Variants in MROH2B observed in about 807,000 individuals in gnomAD.
MROH2B encodes maestro heat like repeat family member 2B, also known as maestro heat-like repeat-containing protein family member 2B.
MROH2B carries 177 observed loss-of-function variants against 208.6 expected under a neutral mutation model. The observed-to-expected ratio is 0.85, with a 90% CI of 0.75 to 0.96. MROH2B has a LOEUF of 0.96. MROH2B is among the 40% of genes least tolerant of loss of function. MROH2B has a pLI of 0.00. For synonymous variants in MROH2B, 728 were observed against 659.0 expected, an observed-to-expected ratio of 1.10 and a Z score of -1.60; for missense variants, 2,002 against 1,878.7, an observed-to-expected ratio of 1.07 and a Z score of -1.21.
In MROH2B at chr5:41,070,968, C is replaced by G. The variant is rs576908835; in HGVS notation, c.-116G>C. 9.6e-7 allele frequency: 1 copy of G among 1,042,406 alleles called. No homozygotes were observed. Among genetic ancestry groups the G allele is most frequent in the South Asian group, 1.4e-5 (1 of 69,372 alleles). The allele number at this position is 1,042,406 out of a possible 1,614,324, so 64.6% of individuals were successfully genotyped here. A position where few individuals can be genotyped will look rare whatever the true frequency, so the allele number is the denominator to read the frequency against. On this transcript the variant is annotated 5_prime_UTR_variant, in exon 1 of 42. Coordinates refer to ENST00000399564, the MANE Select transcript of MROH2B (RefSeq NM_173489.5). ...TCATATAAGGTTCACATAAGCCTCT[C>G]TAAATGAAAGTGCCTCCTCCACTTG...
chr5:41,013,787 G>T (rs1257491986), intron 29 of MROH2B, among the ~76,000 whole-genome samples: 1 of 152,112 alleles, frequency 6.6e-6, no homozygotes, highest in Non-Finnish European at 1.5e-5. Flanking sequence ...TATGTGTCGG[G>T]CACCTTTTAA....
In MROH2B at chr5:41,049,427, G is replaced by T. The variant is rs1579948780; in HGVS notation, c.1354C>A (p.Pro452Thr). 1 of 1,611,662 alleles carries T rather than the reference G, an allele frequency of 6.2e-7. No individual in the cohort carries two copies. The highest frequency in any genetic ancestry group is 8.5e-7 in the Non-Finnish European group (1 of 1,179,160). ...LVIGMPQVLW[P>T]RILTFVVPAE... The stretch of plus-strand genomic sequence containing the variant: ...GGTACCACAAAAGTCAGGATCCTTG[G>T]CCATAGCACCTGTGGAAAACAGGGC... The change falls in exon 14 of 42, where the codon CCA (proline) becomes ACA (threonine). Residue 452 changes from proline (P) to threonine (T), a missense_variant. Physicochemically the swap from Pro to Thr is conservative, Grantham distance 38. Coordinates refer to ENST00000399564, the MANE Select transcript of MROH2B (RefSeq NM_173489.5).
At position 41,070,957 on chromosome 5, in the gene MROH2B, C is replaced by A. The variant is rs1278646336; in HGVS notation, c.-105G>T. 8.8e-6 allele frequency: 10 copies of A among 1,134,712 alleles called. No homozygotes were observed. Among genetic ancestry groups the A allele is most frequent in the Non-Finnish European group, 1.3e-5 (10 of 774,404 alleles). 70.3% of individuals were successfully genotyped at this position (1,134,712 alleles called of 1,614,324 possible). A position where few individuals can be genotyped will look rare whatever the true frequency, so the allele number is the denominator to read the frequency against. On this transcript the variant is annotated 5_prime_UTR_variant, in exon 1 of 42. An upstream start codon of the reference 5' UTR is lost. Coordinates refer to ENST00000399564, the MANE Select transcript of MROH2B (RefSeq NM_173489.5). ...TGGCAAGTTTCTCATATAAGGTTCA[C>A]ATAAGCCTCTCTAAATGAAAGTGCC... is the stretch of plus-strand genomic sequence containing the variant.
Position 41,062,025 on chromosome 5 carries a change from C to T in MROH2B, c.461-301G>A, listed in dbSNP as rs79959411. Among the ~76,000 whole-genome samples, 888 of 149,770 alleles carry T rather than the reference C, an allele frequency of 5.9e-3. 36 individuals are homozygous for T. The highest frequency in any genetic ancestry group is 0.022 in the African/African-American group (849 of 39,154). ...TGGTAGAAGGGCGAATTGGTTCAAG[C>T]ACTTTGCAGAACTCTTTGGCACTAT... On this transcript the variant is annotated intron_variant, in intron 5 of 41. Transcript: ENST00000399564.
chr5:41,062,502 T>C (rs1357497456), intron 5 of MROH2B, among the ~76,000 whole-genome samples: 1 of 152,354 alleles, frequency 6.6e-6, no homozygotes, highest in South Asian at 2.1e-4. Flanking sequence ...TCTGTGTCTA[T>C]GTTTTACTTC....
chr5:41,000,049 T>G, intron 39 of MROH2B, 171 bp downstream of exon 39: 1 of 858,644 alleles, frequency 1.2e-6, no homozygotes, highest in Non-Finnish European at 1.8e-6. Flanking sequence ...GAGGGTCCTG[T>G]GGCAGGATAC....
rs1741624445 is a variant in MROH2B, at chr5:41,007,249, C to T, written c.3749+65G>A. On this transcript the variant is annotated intron_variant, in intron 34 of 41. Transcript: ENST00000399564. ...GCTCAGTGAAGTTGCCTGTATTGCA[C>T]TTTTGTTTGTTTGTTTGTTTTTGTT... The T allele has an allele frequency of 3.0e-6, 4 of 1,355,662 alleles. No individual in the cohort carries two copies. In the East Asian group the frequency reaches 8.6e-5, roughly 29 times the overall value. The allele number at this position is 1,355,662 out of a possible 1,614,324, so 84.0% of individuals were successfully genotyped here. A position where few individuals can be genotyped will look rare whatever the true frequency, so the allele number is the denominator to read the frequency against.
chr5:41,000,573 A>G, intron 38 of MROH2B, 105 bp downstream of exon 38: 1 of 1,423,160 alleles, frequency 7.0e-7, no homozygotes, highest in Non-Finnish European at 9.4e-7. Context: ...TTCAGCGCTA[A>G]GGGGTGACTT....
intron 28 of MROH2B, among the ~76,000 whole-genome samples, chr5:41,016,503 T>G (rs992414845): frequency 1.5e-5 from 2 of 134,680 alleles, no homozygotes; most frequent in Non-Finnish European, 3.2e-5. Context: ...GTAATGTTTT[T>G]TTTTTTTTTT....
intron 21 of MROH2B, chr5:41,034,210 G>T: frequency 1.0e-5 from 3 of 288,938 alleles, no homozygotes; most frequent in Non-Finnish European, 1.6e-5. Context: ...GAAATGAGAA[G>T]CGAAAAACTA....
rs773373740 is a variant in MROH2B, at chr5:41,009,299, G to A, written c.3401C>T (p.Ala1134Val). The A allele has an allele frequency of 6.2e-7, 1 of 1,613,860 alleles. No homozygotes were observed. Among genetic ancestry groups the A allele is most frequent in the Admixed American group, 1.7e-5 (1 of 60,012 alleles). The change falls in exon 32 of 42, where the codon GCC (alanine) becomes GTC (valine). Residue 1134 changes from alanine to valine, a missense_variant. Coordinates refer to ENST00000399564, the MANE Select transcript of MROH2B (RefSeq NM_173489.5). Reference sequence around the variant, plus strand: ...ACTCACTGAAATTGCCTCAACCCTGGCGATGTCATCTTCTAACTCAGTCTC... The same window carrying A: ...ACTCACTGAAATTGCCTCAACCCTGACGATGTCATCTTCTAACTCAGTCTC... ...KLETELEDDI[A>V]RVEAISVACA...
intron 30 of MROH2B, among the ~76,000 whole-genome samples, chr5:41,010,614 G>C (rs898832855): frequency 6.6e-6 from 1 of 152,202 alleles, no homozygotes; most frequent in Non-Finnish European, 1.5e-5. Flanking sequence ...AAGATGTAAA[G>C]TTAAAAGACA....
At chr5:41,017,728 G>A (rs1742002107) in intron 28 of MROH2B, 122 bp downstream of exon 28, 2 of 1,105,826 alleles carry the variant, frequency 1.8e-6, no homozygotes, top group South Asian at 2.0e-5. Context: ...GGAGGAAAAT[G>A]AGGAAAGAGG....
At chr5:40,999,955 A>G (rs1741333665) in intron 39 of MROH2B, 176 bp from the exon 40 acceptor site, 1 of 688,480 alleles carries the variant, frequency 1.5e-6, no homozygotes, top group African/African-American at 1.8e-5. Flanking sequence ...TCAGGAAGCC[A>G]TCAGAGTTTA....
chr5:41,007,567 T>G, intron 33 of MROH2B, 113 bp from the exon 34 acceptor site: 1 of 1,053,362 alleles, frequency 9.5e-7, no homozygotes, highest in Non-Finnish European at 1.2e-6. Flanking sequence ...GACTAGGGGA[T>G]GTTGTGTAAG....
intron 21 of MROH2B, 35 bp downstream of exon 21, chr5:41,038,701 C>A: frequency 6.4e-7 from 1 of 1,567,024 alleles, no homozygotes. Context: ...GGAACCCCAG[C>A]CTAGAAATGG....
chr5:41,045,913 A>T, intron 17 of MROH2B, 60 bp from the exon 18 acceptor site: 1 of 1,207,864 alleles, frequency 8.3e-7, no homozygotes, highest in Non-Finnish European at 1.2e-6. Context: ...TTCTTGGCAT[A>T]TTTTTGGTTA....
chr5:41,005,809 T>C (rs920029491), intron 34 of MROH2B, among the ~76,000 whole-genome samples, 164 bp from the exon 35 acceptor site: 5 of 152,002 alleles, frequency 3.3e-5, no homozygotes, highest in Admixed American at 2.6e-4. Context: ...GGCAGGTGGA[T>C]TGCCTGAGCT....
chr5:41,051,837 T>C (rs325870), intron 12 of MROH2B, among the ~76,000 whole-genome samples: 129,738 of 152,170 alleles, frequency 0.85, 55,512 homozygotes, highest in Middle Eastern at 0.89. Context: ...CTATATGGTG[T>C]TTTTAAAGGA....
Sources: gnomAD v4.1 joint callset for allele counts (sites outside exome capture counted in the v4.1 genomes callset) on GRCh38, gnomAD v4.1.1 for gene constraint, MANE v1.5 for transcripts, NCBI Gene and HGNC (gene_info 2026-07-23, HGNC 2026-07-21) for gene names.